Variants in L2HGDH observed in about 807,000 individuals in gnomAD.
The protein encoded by L2HGDH is L-2-hydroxyglutarate dehydrogenase, mitochondrial.
Under a neutral mutation model 51.5 loss-of-function variants are expected in L2HGDH, and 34 were observed. The observed-to-expected ratio is 0.66, with a 90% CI of 0.50 to 0.88. L2HGDH has a LOEUF of 0.88. Among genes scored for constraint, L2HGDH ranks in the 40% least tolerant of loss-of-function variants. The pLI, the probability that L2HGDH is intolerant of heterozygous loss-of-function variation, is 0.00. For missense variants in L2HGDH, 558 were observed against 571.9 expected (o/e 0.98, Z 0.25); for synonymous variants, 198 against 197.9 (o/e 1.00, Z -0.01).
chr14:50,253,634 CA>C (rs1469811522), intron 9 of L2HGDH, among the ~76,000 whole-genome samples: 2 of 152,034 alleles, frequency 1.3e-5, no homozygotes, highest in Non-Finnish European at 2.9e-5. Context: ...GGAGGCTCCT[CA>C]AAAAGCTAAA....
At chr14:50,268,107 G>C (rs1454647579) in intron 7 of L2HGDH, among the ~76,000 whole-genome samples, 197 bp from the exon 8 acceptor site, 1 of 152,146 alleles carries the variant, frequency 6.6e-6, no homozygotes, top group East Asian at 1.9e-4. Flanking sequence ...GGCTGGGTGT[G>C]GTGGCTCACG....
intron 3 of L2HGDH, 53 bp from the exon 4 acceptor site, chr14:50,294,299 G>A (rs2029907022): frequency 3.8e-6 from 6 of 1,570,794 alleles, no homozygotes; most frequent in South Asian, 2.2e-5. Flanking sequence ...TATCATCAGC[G>A]ATGAAAGATA....
At chr14:50,304,818 G>C (rs1008136996) in intron 1 of L2HGDH, among the ~76,000 whole-genome samples, 1 of 152,096 alleles carries the variant, frequency 6.6e-6, no homozygotes, top group South Asian at 2.1e-4. Context: ...CTGGGCGACA[G>C]AGCGAGACTC....
chr14:50,250,189 A>T (rs1888264133), intron 9 of L2HGDH, among the ~76,000 whole-genome samples: 1 of 152,204 alleles, frequency 6.6e-6, no homozygotes, highest in African/African-American at 2.4e-5. Context: ...GGCATGAGCC[A>T]CCGTGTCTGG....
At position 50,247,254 on chromosome 14, in the gene L2HGDH, C is replaced by T. The variant is rs1888060747; in HGVS notation, c.1197-1G>A. On this transcript the variant is annotated splice_acceptor_variant, in intron 9 of 9. Transcript: ENST00000267436. LOFTEE classifies it high-confidence loss of function. The stretch of plus-strand genomic sequence containing the variant: ...CTGGGCTCTTACTCCAGCTGGGCCC[C>T]TGCAAAAGTAAAAGATGGGAGTCAG... The T allele has an allele frequency of 6.2e-7, 1 of 1,612,364 alleles. No homozygotes were observed.
At chr14:50,264,530 T>C (rs1203965791) in intron 9 of L2HGDH, among the ~76,000 whole-genome samples, 1 of 152,148 alleles carries the variant, frequency 6.6e-6, no homozygotes, top group Admixed American at 6.5e-5. Context: ...ACAAAAGAAG[T>C]AGAGAAGAAG....
intron 1 of L2HGDH, among the ~76,000 whole-genome samples, chr14:50,309,990 T>C (rs1301379923): frequency 1.3e-5 from 2 of 152,010 alleles, no homozygotes; most frequent in African/African-American, 4.8e-5. Context: ...CCAGCATGCC[T>C]GGCCACATTT....
At chr14:50,257,994 C>T (rs551609401) in intron 9 of L2HGDH, among the ~76,000 whole-genome samples, 15 of 149,408 alleles carry the variant, frequency 1.0e-4, no homozygotes, top group African/African-American at 3.4e-4. Context: ...TGTCCCTCTG[C>T]AGTGGTTTTA....
At chr14:50,293,301 A>G in intron 4 of L2HGDH, 1 of 702,232 alleles carries the variant, frequency 1.4e-6, no homozygotes, top group Non-Finnish European at 2.6e-6. Context: ...GGGAAAAAAT[A>G]CACCTTGACC....
At position 50,243,917 on chromosome 14, in the gene L2HGDH, G is replaced by GT. The variant is rs1221439654; in HGVS notation, c.*3140dup. Reference sequence around the variant, plus strand: ...CTCATTGTTCAATTCCCATCTATGAGTGAGAACATGCGGTGTTTGGTTTTT... The same window carrying GT: ...CTCATTGTTCAATTCCCATCTATGAGTTGAGAACATGCGGTGTTTGGTTTTT... On this transcript the variant is annotated 3_prime_UTR_variant, in exon 10 of 10. Coordinates refer to ENST00000267436, the MANE Select transcript of L2HGDH (RefSeq NM_024884.3). The GT allele has an allele frequency of 7.0e-6, 1 of 143,556 alleles. No individual in the cohort carries two copies. Among genetic ancestry groups the GT allele is most frequent in the Admixed American group, 7.3e-5 (1 of 13,732 alleles). 8.9% of individuals were successfully genotyped at this position (143,556 alleles called of 1,614,324 possible).
At chr14:50,302,793 G>C in intron 2 of L2HGDH, 109 bp downstream of exon 2, 1 of 830,464 alleles carries the variant, frequency 1.2e-6, no homozygotes, top group South Asian at 1.3e-5. Flanking sequence ...TCTGCTTTTA[G>C]AACACAAACT....
chr14:50,301,702 G>A (rs2030417354), intron 3 of L2HGDH, among the ~76,000 whole-genome samples: 1 of 152,098 alleles, frequency 6.6e-6, no homozygotes, highest in Non-Finnish European at 1.5e-5. Context: ...AATGGGTATG[G>A]GGTGTCTTTT....
chr14:50,263,485 A>C (rs141846577), intron 9 of L2HGDH, among the ~76,000 whole-genome samples: 1 of 152,204 alleles, frequency 6.6e-6, no homozygotes, highest in Non-Finnish European at 1.5e-5. Context: ...GACAGCTGAC[A>C]TGATTATTGC....
intron 4 of L2HGDH, among the ~76,000 whole-genome samples, chr14:50,286,728 C>G (rs1436929349): frequency 6.6e-6 from 1 of 152,186 alleles, no homozygotes. Flanking sequence ...GTGGAGGCCT[C>G]AGAGAGAAGC....
intron 9 of L2HGDH, among the ~76,000 whole-genome samples, chr14:50,253,785 T>A (rs1888498103): frequency 6.6e-6 from 1 of 152,100 alleles, no homozygotes; most frequent in African/African-American, 2.4e-5. Flanking sequence ...GCAACCTAGG[T>A]GTCCATCAAC....
intron 5 of L2HGDH, among the ~76,000 whole-genome samples, chr14:50,280,372 G>A (rs902939191): frequency 6.6e-6 from 1 of 152,058 alleles, no homozygotes; most frequent in African/African-American, 2.4e-5. Context: ...TACCATGTTG[G>A]CCAAGCTGGT....
At chr14:50,287,775 G>A (rs1242480743) in intron 4 of L2HGDH, among the ~76,000 whole-genome samples, 1 of 134,214 alleles carries the variant, frequency 7.5e-6, no homozygotes, top group Non-Finnish European at 1.5e-5. Context: ...TTGGCTCACT[G>A]CAACCTCTGC....
At chr14:50,259,914 GTCTC>G (rs954242726) in intron 9 of L2HGDH, among the ~76,000 whole-genome samples, 2 of 141,550 alleles carry the variant, frequency 1.4e-5, no homozygotes, top group Non-Finnish European at 3.1e-5. Flanking sequence ...CTGATTTTTA[GTCTC>G]TCTAATTTAC....
chr14:50,294,753 C>T (rs557683012), intron 3 of L2HGDH, among the ~76,000 whole-genome samples: 1 of 152,146 alleles, frequency 6.6e-6, no homozygotes, highest in Non-Finnish European at 1.5e-5. Context: ...AAAGTATTTA[C>T]AAAACATTCT....
Sources: allele counts gnomAD v4.1 joint callset (sites outside exome capture counted in the v4.1 genomes callset), GRCh38; gene constraint gnomAD v4.1.1; transcripts MANE v1.5; gene names NCBI Gene and HGNC (gene_info 2026-07-23, HGNC 2026-07-21).